The following GC variants were observed in gnomAD, a reference collection of about 807,000 sequenced individuals.
GC encodes the protein GC vitamin D binding protein.
GC carries 43 observed loss-of-function variants against 56.7 expected under a neutral mutation model. That is an observed-to-expected ratio of 0.76 (90% CI 0.59 to 0.98). The LOEUF (loss-of-function observed/expected upper bound fraction) is 0.98. Ranked by LOEUF, GC falls within the 50% of genes least tolerant of loss-of-function variation. GC has a pLI of 0.00. For synonymous variants in GC, 216 were observed against 202.7 expected (o/e 1.07, Z -0.56); for missense variants, 529 against 545.9 (o/e 0.97, Z 0.31).
Position 71,776,586 on chromosome 4 carries a change from G to A in GC, c.59-7186C>T, listed in dbSNP as rs145538826. On this transcript the variant is annotated intron_variant, in intron 1 of 12. Transcript: ENST00000273951. Reference sequence around the variant, plus strand: ...AGGAATGTTTTGAGATCTATTTTGCGTCAGGGTGACTATAGTTAATCATGT... The same window carrying A: ...AGGAATGTTTTGAGATCTATTTTGCATCAGGGTGACTATAGTTAATCATGT... Among the ~76,000 whole-genome samples, 33 of 151,886 alleles carry A rather than the reference G, an allele frequency of 2.2e-4. No homozygotes were observed. In the East Asian group the frequency reaches 3.1e-3, roughly 14 times the overall value.
chr4:71,793,293 G>A (rs1402896917), intron 1 of GC, among the ~76,000 whole-genome samples: 1 of 152,146 alleles, frequency 6.6e-6, no homozygotes, highest in African/African-American at 2.4e-5. Flanking sequence ...CTATCCATGA[G>A]CATAGAATAT....
At chr4:71,745,660 T>C (rs573573803) in intron 12 of GC, among the ~76,000 whole-genome samples, 2 of 152,348 alleles carry the variant, frequency 1.3e-5, no homozygotes, top group South Asian at 4.1e-4. Context: ...AACTATTTTA[T>C]GTTCTTAATA....
At chr4:71,779,544 G>A (rs1212672885) in intron 1 of GC, among the ~76,000 whole-genome samples, 1 of 151,794 alleles carries the variant, frequency 6.6e-6, no homozygotes, top group Non-Finnish European at 1.5e-5. Context: ...GGTCAGATCA[G>A]AATGAATGAG....
intron 1 of GC, among the ~76,000 whole-genome samples, chr4:71,790,721 G>C (rs1228150540): frequency 6.7e-6 from 1 of 150,170 alleles, no homozygotes; most frequent in Non-Finnish European, 1.5e-5. Context: ...CAAGTTTATT[G>C]GTTTTTCATC....
At chr4:71,763,981 C>CA in intron 4 of GC, 45 bp from the exon 5 acceptor site, 1 of 1,487,240 alleles carries the variant, frequency 6.7e-7, no homozygotes, top group Non-Finnish European at 9.4e-7. Flanking sequence ...TGTGAATAAA[C>CA]AAAATCTACT....
At chr4:71,771,974 A>G (rs559105248) in intron 1 of GC, among the ~76,000 whole-genome samples, 1 of 152,310 alleles carries the variant, frequency 6.6e-6, no homozygotes, top group South Asian at 2.1e-4. Context: ...AGTAGATTCT[A>G]GTAAGAAATC....
At chr4:71,764,933 T>G (rs1163939535) in intron 4 of GC, among the ~76,000 whole-genome samples, 1 of 152,174 alleles carries the variant, frequency 6.6e-6, no homozygotes, top group African/African-American at 2.4e-5. Flanking sequence ...ACCATAAAAA[T>G]TTTAAGGTTA....
intron 1 of GC, among the ~76,000 whole-genome samples, chr4:71,782,363 A>G (rs1210217919): frequency 6.6e-6 from 1 of 151,830 alleles, no homozygotes; most frequent in Non-Finnish European, 1.5e-5. Context: ...GGTCATGCTC[A>G]GGTATTAGAG....
At chr4:71,796,568 C>A (rs915567717) in intron 1 of GC, among the ~76,000 whole-genome samples, 3 of 152,104 alleles carry the variant, frequency 2.0e-5, no homozygotes, top group Admixed American at 6.5e-5. Context: ...TTCATCTAAC[C>A]TTTTTTCAAG....
intron 1 of GC, among the ~76,000 whole-genome samples, chr4:71,794,665 T>G (rs560380860): frequency 7.9e-5 from 12 of 152,294 alleles, no homozygotes; most frequent in South Asian, 4.2e-4. Context: ...CCTTGAGTTC[T>G]GCTCTGATCT....
At chr4:71,760,199 A>G (rs1311120475) in intron 6 of GC, among the ~76,000 whole-genome samples, 1 of 149,450 alleles carries the variant, frequency 6.7e-6, no homozygotes, top group Non-Finnish European at 1.5e-5. Context: ...GCCCACCACC[A>G]TGCCTGGCTA....
chr4:71,783,520 A>C (rs1742752095), intron 1 of GC, among the ~76,000 whole-genome samples: 1 of 151,816 alleles, frequency 6.6e-6, no homozygotes, highest in Non-Finnish European at 1.5e-5. Flanking sequence ...AAGGGGATCA[A>C]AGAAATCTCT....
At chr4:71,750,361 A>C (rs1028915827) in intron 11 of GC, among the ~76,000 whole-genome samples, 13 of 152,216 alleles carry the variant, frequency 8.5e-5, no homozygotes, top group Admixed American at 8.5e-4. Context: ...TGACTATAGA[A>C]ATTTAAATGG....
At chr4:71,747,695 G>T (rs2149293024) in intron 11 of GC, among the ~76,000 whole-genome samples, 1 of 152,234 alleles carries the variant, frequency 6.6e-6, no homozygotes, top group Non-Finnish European at 1.5e-5. Flanking sequence ...GGAGTATATG[G>T]TATTCTTGCA....
At position 71,767,602 on chromosome 4, in the gene GC, T is replaced by C. The variant is rs1742196903; in HGVS notation, c.261+699A>G. 2.1e-5 allele frequency among the ~76,000 whole-genome samples: 3 copies of C among 143,438 alleles called. No homozygotes were observed. In the South Asian group the frequency reaches 6.4e-4, roughly 31 times the overall value. 94.1% of individuals were successfully genotyped at this position (143,438 alleles called of 152,430 possible). On this transcript the variant is annotated intron_variant, in intron 3 of 12. Coordinates refer to ENST00000273951, the MANE Select transcript of GC (RefSeq NM_000583.4). ...TTTTAGAATTCTTTCAAGAGGTTCA[T>C]GAGCTGATATATATATATATATTAA... is the stretch of plus-strand genomic sequence containing the variant.
chr4:71,803,092 A>C (rs1263708406), intron 1 of GC, among the ~76,000 whole-genome samples: 7 of 152,180 alleles, frequency 4.6e-5, no homozygotes. Flanking sequence ...GTTATGAATA[A>C]TGTGTTGCTA....
chr4:71,744,975 A>G (rs1741313973), intron 12 of GC, among the ~76,000 whole-genome samples: 1 of 152,264 alleles, frequency 6.6e-6, no homozygotes, highest in African/African-American at 2.4e-5. Context: ...TGATATTTGT[A>G]TACCAGAGCA....
In GC at chr4:71,746,181, G is replaced by C. The variant is rs1741357493; in HGVS notation, c.1420C>G (p.Leu474Val). The C allele has an allele frequency of 3.0e-6, 4 of 1,336,712 alleles. No homozygotes were observed. The South Asian group carries it at 4.8e-5, about 16-fold the overall frequency. The allele number at this position is 1,336,712 out of a possible 1,614,324, so 82.8% of individuals were successfully genotyped here. A position where few individuals can be genotyped will look rare whatever the true frequency, so the allele number is the denominator to read the frequency against. Residue 474 changes from leucine (L) to valine (V), a missense_variant, in exon 12 of 13, where the codon CTG becomes GTG. Leu to Val is a conservative substitution (Grantham distance 32, BLOSUM62 1). Transcript: ENST00000273951. The part of the protein sequence containing the change: ...SEIDAELKNI[L>V] ...TTAATAAACATGCTTCAGGACTACA[G>C]GATATTCTTCAATTCAGCATCAATC...
At chr4:71,778,565 C>T (rs1258597279) in intron 1 of GC, among the ~76,000 whole-genome samples, 1 of 151,884 alleles carries the variant, frequency 6.6e-6, no homozygotes, top group Non-Finnish European at 1.5e-5. Flanking sequence ...CCACACATTC[C>T]TGTGTTTCCA....
Sources: allele counts gnomAD v4.1 joint callset (sites outside exome capture counted in the v4.1 genomes callset), GRCh38; gene constraint gnomAD v4.1.1; transcripts MANE v1.5; gene names NCBI Gene and HGNC (gene_info 2026-07-23, HGNC 2026-07-21).